CUX1: variants seen among roughly 807,000 people sequenced by gnomAD.
The protein encoded by CUX1 is cut like homeobox 1, also known as protein CASP.
Under a neutral mutation model 158.8 loss-of-function variants are expected in CUX1, and 31 were observed. The ratio of observed to expected loss-of-function variants is 0.20; its 90% CI spans 0.15 to 0.26. The LOEUF is 0.26. Ranked by LOEUF, CUX1 falls within the 10% of genes least tolerant of loss-of-function variation. CUX1 has a pLI of 1.00. For missense variants in CUX1, 1,589 were observed against 2,014.6 expected (o/e 0.79, Z 4.04); for synonymous variants, 879 against 862.1 (o/e 1.02, Z -0.34).
chr7:101,925,058 C>T (rs1046423394), intron 2 of CUX1, among the ~76,000 whole-genome samples: 9 of 152,202 alleles, frequency 5.9e-5, no homozygotes, highest in African/African-American at 1.7e-4. Flanking sequence ...CCTTTCATCA[C>T]GTTGAGCCCA....
At chr7:101,917,255 C>T (rs898238765) in intron 2 of CUX1, among the ~76,000 whole-genome samples, 1 of 152,248 alleles carries the variant, frequency 6.6e-6, no homozygotes, top group African/African-American at 2.4e-5. Context: ...AAAGCGGACT[C>T]ATTTAAAATG....
At chr7:102,244,803 T>G (rs1262175587) in intron 23 of CUX1, among the ~76,000 whole-genome samples, 1 of 152,144 alleles carries the variant, frequency 6.6e-6, no homozygotes, top group Admixed American at 6.5e-5. Flanking sequence ...GTCCACCCAG[T>G]TAGGAACTCA....
intron 3 of CUX1, among the ~76,000 whole-genome samples, chr7:102,050,278 A>G (rs1001950198): frequency 1.3e-5 from 2 of 152,190 alleles, no homozygotes; most frequent in Non-Finnish European, 2.9e-5. Context: ...TTATATGCAC[A>G]TGTTTAAAGA....
intron 2 of CUX1, among the ~76,000 whole-genome samples, chr7:102,010,528 A>G (rs1209043035): frequency 3.3e-5 from 5 of 152,188 alleles, no homozygotes; most frequent in Non-Finnish European, 7.3e-5. Context: ...CTTTCATATC[A>G]GGCAACATAC....
At chr7:102,179,654 T>C (rs1473774242) in intron 11 of CUX1, among the ~76,000 whole-genome samples, 11 of 152,220 alleles carry the variant, frequency 7.2e-5, no homozygotes, top group African/African-American at 1.2e-4. Context: ...GATTATACTT[T>C]AGGTATTTAT....
chr7:102,141,789 ATT>A (rs71123009), intron 8 of CUX1, among the ~76,000 whole-genome samples: 158 of 102,568 alleles, frequency 1.5e-3, no homozygotes, highest in African/African-American at 5.5e-3. Context: ...CTCTCAGCTA[ATT>A]TTTTTTTTTT....
Position 102,255,385 on chromosome 7 carries a change from C to CCA in CUX1, c.*6343_*6344insCA, listed in dbSNP as rs1789784394. 4.5e-6 allele frequency: 4 copies of CCA among 886,470 alleles called. No homozygotes were observed. The highest frequency in any genetic ancestry group is 1.9e-5 in the African/African-American group (1 of 51,934). The allele number at this position is 886,470 out of a possible 1,614,324, so 54.9% of individuals were successfully genotyped here. ...GTTGGGCATTGTAGGCGAAAAATCC[C>CCA]AAAAAAAAAAAAAGACAAAAAAAAA... is the stretch of plus-strand genomic sequence containing the variant. On this transcript the variant is annotated 3_prime_UTR_variant, in exon 24 of 24. Transcript: ENST00000292535.
intron 1 of CUX1, among the ~76,000 whole-genome samples, chr7:101,829,909 A>G (rs988416882): frequency 1.3e-5 from 2 of 152,150 alleles, no homozygotes; most frequent in African/African-American, 4.8e-5. Context: ...CAGATGCCCC[A>G]TCCTTGCCTG....
intron 4 of CUX1, among the ~76,000 whole-genome samples, chr7:102,094,581 GA>G (rs1828988425): frequency 6.6e-6 from 1 of 152,194 alleles, no homozygotes; most frequent in South Asian, 2.1e-4. Flanking sequence ...CTGGCCTTTT[GA>G]AAAGAATGAA....
At chr7:102,049,189 A>G (rs929797099) in intron 3 of CUX1, among the ~76,000 whole-genome samples, 3 of 152,210 alleles carry the variant, frequency 2.0e-5, no homozygotes, top group African/African-American at 7.2e-5. Context: ...TAAGAAATAG[A>G]GACTCACTCG....
At position 102,255,809 on chromosome 7, in the gene CUX1, C is replaced by G. The variant is rs142638825; in HGVS notation, c.*6767C>G. The G allele has an allele frequency of 6.1e-6, 6 of 984,768 alleles. No homozygotes were observed. The East Asian group carries it at 3.4e-4, about 56-fold the overall frequency. 61.0% of individuals were successfully genotyped at this position (984,768 alleles called of 1,614,324 possible). A position where few individuals can be genotyped will look rare whatever the true frequency, so the allele number is the denominator to read the frequency against. On this transcript the variant is annotated 3_prime_UTR_variant, in exon 24 of 24. Transcript: ENST00000292535. The stretch of plus-strand genomic sequence containing the variant: ...TTTGTTTTATAATTCTTTTTTCCCC[C>G]CTTTTCCTTCTTCTTTTTTATTATT...
chr7:102,063,668 C>T (rs1412858863), intron 3 of CUX1, among the ~76,000 whole-genome samples: 2 of 152,154 alleles, frequency 1.3e-5, no homozygotes, highest in Non-Finnish European at 2.9e-5. Flanking sequence ...GCTGGGATTA[C>T]AGGCGTGAGC....
rs1801607542 is a variant in CUX1 at position 102,252,346 on chromosome 7, A to G, written c.*3304A>G. 1 of 985,396 alleles carries G rather than the reference A, an allele frequency of 1.0e-6. No homozygotes were observed. Among genetic ancestry groups the G allele is most frequent in the South Asian group, 4.7e-5 (1 of 21,292 alleles). 61.0% of individuals were successfully genotyped at this position (985,396 alleles called of 1,614,324 possible). ...TGTCCCCTCGGCATGGCTCCCCTTC[A>G]GCAGGCTGGCATTCCAAGCAGTGGC... On this transcript the variant is annotated 3_prime_UTR_variant, in exon 24 of 24. Coordinates refer to ENST00000292535, the MANE Select transcript of CUX1 (RefSeq NM_181552.4).
chr7:101,980,753 C>T (rs2129214023), intron 2 of CUX1, among the ~76,000 whole-genome samples: 1 of 152,260 alleles, frequency 6.6e-6, no homozygotes, highest in South Asian at 2.1e-4. Context: ...ACCCCCGGCC[C>T]AAGAACAGGG....
intron 18 of CUX1, among the ~76,000 whole-genome samples, chr7:102,279,361 A>AT (rs1791878989): frequency 6.6e-6 from 1 of 152,126 alleles, no homozygotes; most frequent in Admixed American, 6.5e-5. Context: ...ATAAGCAATA[A>AT]TAAAAAATGT....
intron 9 of CUX1, among the ~76,000 whole-genome samples, chr7:102,160,292 C>T (rs1790294932): frequency 1.3e-5 from 2 of 152,128 alleles, no homozygotes; most frequent in South Asian, 4.1e-4. Context: ...TTGGGCATGC[C>T]TTGCCTTTAG....
chr7:102,089,943 C>T (rs538161066), intron 4 of CUX1, among the ~76,000 whole-genome samples: 3 of 152,308 alleles, frequency 2.0e-5, no homozygotes, highest in African/African-American at 7.2e-5. Flanking sequence ...GCTTCCCTTC[C>T]TTCAGGGAAG....
chr7:101,910,652 AG>A (rs1803320064), intron 1 of CUX1, among the ~76,000 whole-genome samples: 1 of 151,346 alleles, frequency 6.6e-6, no homozygotes, highest in Non-Finnish European at 1.5e-5. Context: ...GCTTCTCAGG[AG>A]GCTGGGTCTT....
chr7:102,190,695 AG>A (rs1487180904), intron 12 of CUX1, among the ~76,000 whole-genome samples: 2 of 152,046 alleles, frequency 1.3e-5, no homozygotes, highest in Non-Finnish European at 2.9e-5. Flanking sequence ...TCGCGGCTGG[AG>A]CTCTGCTGGT....
Sources: gnomAD v4.1 joint callset for allele counts (sites outside exome capture counted in the v4.1 genomes callset) on GRCh38, gnomAD v4.1.1 for gene constraint, MANE v1.5 for transcripts, NCBI Gene and HGNC (gene_info 2026-07-23, HGNC 2026-07-21) for gene names.